RGS21: variants seen among roughly 807,000 people sequenced by gnomAD.
RGS21 encodes the protein regulator of G-protein signalling 21.
In RGS21, 19 loss-of-function variants were observed where a neutral mutation model predicts 18.7. The ratio of observed to expected loss-of-function variants is 1.01; its 90% CI spans 0.71 to 1.49. The LOEUF (loss-of-function observed/expected upper bound fraction) is 1.49. RGS21 is among the 40% of genes most tolerant of loss of function. The probability of loss-of-function intolerance (pLI) is 0.00; values close to 1 mark genes in which losing one functional copy is unlikely to be tolerated. For synonymous variants in RGS21, 56 were observed against 57.8 expected (o/e 0.97, Z 0.14); for missense variants, 194 against 176.8 (o/e 1.10, Z -0.55).
intron 1 of RGS21, among the ~76,000 whole-genome samples, chr1:192,341,960 A>C (rs748274781): frequency 3.9e-5 from 6 of 152,066 alleles, no homozygotes; most frequent in Non-Finnish European, 7.4e-5. Flanking sequence ...AATTAACAAA[A>C]GGGATCGTGC....
chr1:192,325,575 T>C (rs928725503), intron 1 of RGS21, among the ~76,000 whole-genome samples: 3 of 152,046 alleles, frequency 2.0e-5, no homozygotes, highest in Non-Finnish European at 2.9e-5. Flanking sequence ...TTCCCACCAG[T>C]GTATAAGTGT....
Position 192,317,042 on chromosome 1 carries a change from T to C in RGS21, c.-124T>C, listed in dbSNP as rs1658430929. The C allele has an allele frequency of 6.6e-6, 1 of 151,942 alleles. No homozygotes were observed. The highest frequency in any genetic ancestry group is 6.6e-5 in the Admixed American group (1 of 15,232). The allele number at this position is 151,942 out of a possible 1,614,324, so 9.4% of individuals were successfully genotyped here. On this transcript the variant is annotated 5_prime_UTR_variant, in exon 1 of 5. Transcript: ENST00000417209. ...TGAAAGAAGCACAGATTTTCTCATC[T>C]ATCCTGTCAACAAAGAAGGAATCAA...
chr1:192,331,478 C>T (rs751338429), intron 1 of RGS21, among the ~76,000 whole-genome samples: 29 of 151,860 alleles, frequency 1.9e-4, no homozygotes, highest in Non-Finnish European at 2.9e-4. Context: ...ACATGGGAGG[C>T]GGAGGTTGCA....
chr1:192,336,197 G>T (rs1658764868), intron 1 of RGS21, among the ~76,000 whole-genome samples: 1 of 152,186 alleles, frequency 6.6e-6, no homozygotes, highest in Non-Finnish European at 1.5e-5. Flanking sequence ...GCTCACGCCT[G>T]CAATCCCAGC....
chr1:192,320,068 T>C (rs1288968306), intron 1 of RGS21, among the ~76,000 whole-genome samples: 2 of 152,052 alleles, frequency 1.3e-5, no homozygotes, highest in African/African-American at 2.4e-5. Context: ...TAGATCTTTT[T>C]AAAACCGCAA....
At chr1:192,359,861 G>T (rs1021208661) in intron 4 of RGS21, among the ~76,000 whole-genome samples, 3 of 150,650 alleles carry the variant, frequency 2.0e-5, no homozygotes, top group African/African-American at 7.3e-5. Flanking sequence ...AATTTCAAGG[G>T]AGTTGAAAAG....
In RGS21 at chr1:192,366,108, G is replaced by A; in HGVS notation, c.443G>A (p.Trp148Ter). 1 of 1,601,678 alleles carries A rather than the reference G, an allele frequency of 6.2e-7. No individual in the cohort carries two copies. The highest frequency in any genetic ancestry group is 8.5e-7 in the Non-Finnish European group (1 of 1,174,074). Residue 148 changes from tryptophan to a stop codon, truncating the protein, a stop_gained, in exon 5 of 5, where the codon TGG becomes TAG. Transcript: ENST00000417209. LOFTEE classifies it high-confidence loss of function. Reference protein sequence around the residue: ...NSQQVPNHKKWLPFL With the variant: ...NSQQVPNHKK The stretch of plus-strand genomic sequence containing the variant: ...CAACAGGTTCCAAATCATAAAAAAT[G>A]GCTCCCTTTTTTGTGAGGAAGGTAA...
intron 1 of RGS21, among the ~76,000 whole-genome samples, chr1:192,319,815 T>C (rs1028503783): frequency 6.6e-6 from 1 of 152,142 alleles, no homozygotes; most frequent in Non-Finnish European, 1.5e-5. Context: ...CTTTCCTCTA[T>C]GTGCCTGCCA....
intron 1 of RGS21, among the ~76,000 whole-genome samples, chr1:192,342,129 CT>C (rs943302811): frequency 5.9e-5 from 9 of 151,960 alleles, no homozygotes; most frequent in Non-Finnish European, 1.3e-4. Context: ...TTTTTACCTT[CT>C]TTTGACTGCT....
At chr1:192,345,030 T>C (rs1571457394) in intron 2 of RGS21, among the ~76,000 whole-genome samples, 1 of 152,118 alleles carries the variant, frequency 6.6e-6, no homozygotes, top group South Asian at 2.1e-4. Flanking sequence ...TTATCCTTGG[T>C]TCTACACCAT....
chr1:192,325,470 T>C (rs558218262), intron 1 of RGS21, among the ~76,000 whole-genome samples: 1 of 152,140 alleles, frequency 6.6e-6, no homozygotes, highest in African/African-American at 2.4e-5. Context: ...TGGGTAAATA[T>C]CCAGTCATGG....
intron 1 of RGS21, among the ~76,000 whole-genome samples, chr1:192,320,499 AATGTGTATGTGT>A (rs371189320): frequency 1.7e-5 from 2 of 115,086 alleles, no homozygotes; most frequent in Non-Finnish European, 3.9e-5. Context: ...AATGTAAAGG[AATGTGTATGTGT>A]ATGTGTATGT....
In RGS21 at chr1:192,321,778, G is replaced by A. The variant is rs116392019; in HGVS notation, c.-61+4673G>A. Among the ~76,000 whole-genome samples the A allele has an allele frequency of 7.1e-3, 1,083 of 152,088 alleles. 6 individuals are homozygous for A. Among genetic ancestry groups the A allele is most frequent in the Admixed American group, 0.013 (192 of 15,226 alleles). ...GATGTATTAAAAAGAGCCCTGATCT[G>A]AAGAGAATATGATATTTGAGTCTGT... On this transcript the variant is annotated intron_variant, in intron 1 of 4. Coordinates refer to ENST00000417209, the MANE Select transcript of RGS21 (RefSeq NM_001039152.3).
chr1:192,363,553 G>A (rs1659216132), intron 4 of RGS21, among the ~76,000 whole-genome samples: 1 of 152,050 alleles, frequency 6.6e-6, no homozygotes, highest in Admixed American at 6.6e-5. Context: ...CTTGATAATA[G>A]CCACTATTGA....
chr1:192,355,202 C>T (rs1659094744), intron 4 of RGS21, among the ~76,000 whole-genome samples: 1 of 151,738 alleles, frequency 6.6e-6, no homozygotes, highest in South Asian at 2.1e-4. Flanking sequence ...TCAGTTTCCT[C>T]ATCTGAAAAA....
At chr1:192,326,895 T>G (rs774275530) in intron 1 of RGS21, among the ~76,000 whole-genome samples, 4 of 152,126 alleles carry the variant, frequency 2.6e-5, no homozygotes, top group Non-Finnish European at 5.9e-5. Flanking sequence ...TCTAATATTA[T>G]AGATAGTAAA....
At chr1:192,338,851 C>T (rs1475799529) in intron 1 of RGS21, among the ~76,000 whole-genome samples, 1 of 152,044 alleles carries the variant, frequency 6.6e-6, no homozygotes, top group East Asian at 1.9e-4. Context: ...GTTCTCAGCT[C>T]CATTTTTCTC....
chr1:192,324,591 G>A (rs1333673156), intron 1 of RGS21, among the ~76,000 whole-genome samples: 2 of 146,670 alleles, frequency 1.4e-5, no homozygotes, highest in East Asian at 3.9e-4. Context: ...ATTCACAGAG[G>A]AATGTGTGTA....
intron 3 of RGS21, among the ~76,000 whole-genome samples, chr1:192,350,119 C>T (rs967754574): frequency 1.3e-4 from 20 of 152,054 alleles, no homozygotes; most frequent in African/African-American, 4.1e-4. Context: ...GAGCAAGGAA[C>T]GTGAAGTTAA....
Sources: allele counts gnomAD v4.1 joint callset (sites outside exome capture counted in the v4.1 genomes callset), GRCh38; gene constraint gnomAD v4.1.1; transcripts MANE v1.5; gene names NCBI Gene and HGNC (gene_info 2026-07-23, HGNC 2026-07-21).